BACH2: variants seen among roughly 807,000 people sequenced by gnomAD.
BACH2 encodes transcription regulator protein BACH2.
A neutral mutation model predicts 61.8 loss-of-function variants in BACH2; 5 were observed. That is an observed-to-expected ratio of 0.08 (90% CI 0.04 to 0.17). BACH2 has a LOEUF of 0.17. BACH2 is among the 10% of genes least tolerant of loss of function. The pLI is 1.00. For synonymous variants in BACH2, 446 were observed against 440.1 expected (o/e 1.01, Z -0.17); for missense variants, 824 against 1,091.1 (o/e 0.76, Z 3.45).
chr6:90,250,765 G>A (rs1443663954), intron 3 of BACH2, among the ~76,000 whole-genome samples: 1 of 152,082 alleles, frequency 6.6e-6, no homozygotes, highest in East Asian at 1.9e-4. Flanking sequence ...ATATTACTGA[G>A]TTATATACTC....
At chr6:90,219,940 A>G (rs948986479) in intron 3 of BACH2, among the ~76,000 whole-genome samples, 7 of 151,606 alleles carry the variant, frequency 4.6e-5, no homozygotes, top group African/African-American at 1.7e-4. Flanking sequence ...TAAGGGTTTG[A>G]TCCCAAGTGT....
At chr6:90,239,490 T>C (rs1386614240) in intron 3 of BACH2, among the ~76,000 whole-genome samples, 1 of 152,084 alleles carries the variant, frequency 6.6e-6, no homozygotes, top group African/African-American at 2.4e-5. Flanking sequence ...TACAGCAAGG[T>C]CCCCATGAAA....
intron 5 of BACH2, among the ~76,000 whole-genome samples, chr6:90,042,172 T>G (rs1779568071): frequency 6.6e-6 from 1 of 152,092 alleles, no homozygotes; most frequent in Admixed American, 6.6e-5. Context: ...GTAAGTCTGT[T>G]GTAGGGTGAA....
rs960595820 is a variant in BACH2 at position 90,296,820 on chromosome 6, G to A, written c.-786C>T. On this transcript the variant is annotated 5_prime_UTR_variant, in exon 1 of 9. Coordinates refer to ENST00000257749, the MANE Select transcript of BACH2 (RefSeq NM_021813.4). ...CTGCTGCTGCTGCTGCTGCTGCTGA[G>A]GCGGCGGCGGCTCGGCGCTGTTTGC... 3 of 175,704 alleles carry A rather than the reference G, an allele frequency of 1.7e-5. No homozygotes were observed. Among genetic ancestry groups the A allele is most frequent in the Non-Finnish European group, 3.4e-5 (3 of 87,390 alleles). 10.9% of individuals were successfully genotyped at this position (175,704 alleles called of 1,614,324 possible).
At chr6:90,017,466 C>G (rs1045730195) in intron 5 of BACH2, among the ~76,000 whole-genome samples, 1 of 152,152 alleles carries the variant, frequency 6.6e-6, no homozygotes, top group Admixed American at 6.5e-5. Context: ...AAATAATCTG[C>G]GCACCTCGGC....
chr6:90,222,970 CA>C (rs1769785545), intron 3 of BACH2, among the ~76,000 whole-genome samples: 1 of 152,190 alleles, frequency 6.6e-6, no homozygotes, highest in African/African-American at 2.4e-5. Context: ...TTAAAACAGC[CA>C]ATCGGAATTA....
chr6:90,197,900 G>A (rs1768813398), intron 4 of BACH2, among the ~76,000 whole-genome samples: 1 of 152,202 alleles, frequency 6.6e-6, no homozygotes, highest in South Asian at 2.1e-4. Flanking sequence ...ATCACAATGT[G>A]TGTGAAAGTA....
chr6:89,989,020 C>T (rs1776392070), intron 6 of BACH2, among the ~76,000 whole-genome samples: 1 of 152,204 alleles, frequency 6.6e-6, no homozygotes, highest in African/African-American at 2.4e-5. Flanking sequence ...AGGTGTCATG[C>T]TGTGCATTGA....
At chr6:90,277,162 CA>C (rs1771720531) in intron 1 of BACH2, among the ~76,000 whole-genome samples, 1 of 152,118 alleles carries the variant, frequency 6.6e-6, no homozygotes, top group South Asian at 2.1e-4. Flanking sequence ...TAAATATGCC[CA>C]ACACAAATAA....
intron 5 of BACH2, among the ~76,000 whole-genome samples, chr6:90,069,420 T>C (rs927804125): frequency 6.6e-6 from 1 of 152,204 alleles, no homozygotes; most frequent in Non-Finnish European, 1.5e-5. Flanking sequence ...AGCTCTTTAT[T>C]TAAAGGCACG....
intron 4 of BACH2, among the ~76,000 whole-genome samples, chr6:90,197,483 G>A (rs1191112929): frequency 6.6e-6 from 1 of 152,142 alleles, no homozygotes; most frequent in Non-Finnish European, 1.5e-5. Context: ...TATCTATTAA[G>A]GCCTACTAAT....
At chr6:90,078,303 T>A (rs1275534040) in intron 5 of BACH2, among the ~76,000 whole-genome samples, 1 of 152,138 alleles carries the variant, frequency 6.6e-6, no homozygotes, top group African/African-American at 2.4e-5. Context: ...ATGTTAGAAC[T>A]GAACATCCAT....
chr6:89,943,410 ATAAG>A (rs1773552094), intron 7 of BACH2, among the ~76,000 whole-genome samples: 1 of 151,976 alleles, frequency 6.6e-6, no homozygotes. Flanking sequence ...GAAAAATTAT[ATAAG>A]TATTATATAA....
intron 5 of BACH2, among the ~76,000 whole-genome samples, chr6:90,026,217 A>G (rs1251939682): frequency 1.3e-5 from 2 of 152,226 alleles, no homozygotes; most frequent in African/African-American, 4.8e-5. Flanking sequence ...AATTGAGCTC[A>G]GTAATTAGTG....
chr6:90,000,538 T>G (rs187666009), intron 6 of BACH2, among the ~76,000 whole-genome samples: 1 of 152,322 alleles, frequency 6.6e-6, no homozygotes, highest in Admixed American at 6.5e-5. Flanking sequence ...CACCTACTGT[T>G]TCTATAGCAC....
intron 5 of BACH2, among the ~76,000 whole-genome samples, chr6:90,035,069 C>T (rs1287847056): frequency 6.6e-6 from 1 of 152,050 alleles, no homozygotes; most frequent in East Asian, 1.9e-4. Flanking sequence ...TATAATTACC[C>T]CTTAGATAAT....
chr6:90,295,041 A>G (rs1772295911), intron 1 of BACH2, among the ~76,000 whole-genome samples: 1 of 152,226 alleles, frequency 6.6e-6, no homozygotes, highest in Admixed American at 6.5e-5. Context: ...AGAGTGAGAG[A>G]CTGCAGCACT....
At position 90,260,309 on chromosome 6, in the gene BACH2, T is replaced by C. The variant is rs563100341; in HGVS notation, c.-352-7719A>G. ...ATCTTTTAATTTCTTCTTTGACCCA[T>C]TGGTTGTTCTGGGGCATGTTGTTTA... On this transcript the variant is annotated intron_variant, in intron 2 of 8. Coordinates refer to ENST00000257749, the MANE Select transcript of BACH2 (RefSeq NM_021813.4). Among the ~76,000 whole-genome samples the C allele has an allele frequency of 1.1e-4, 16 of 152,320 alleles. No individual in the cohort carries two copies. The South Asian group carries it at 2.3e-3, about 22-fold the overall frequency.
chr6:90,228,060 A>G (rs575541596), intron 3 of BACH2, among the ~76,000 whole-genome samples: 1 of 152,358 alleles, frequency 6.6e-6, no homozygotes, highest in African/African-American at 2.4e-5. Context: ...TCTATTTAAG[A>G]CTTACTGCAA....
Sources: allele counts gnomAD v4.1 joint callset (sites outside exome capture counted in the v4.1 genomes callset), GRCh38; gene constraint gnomAD v4.1.1; transcripts MANE v1.5; gene names NCBI Gene and HGNC (gene_info 2026-07-23, HGNC 2026-07-21).